TAFA1: variants seen among roughly 807,000 people sequenced by gnomAD.
TAFA1 encodes the protein TAFA chemokine like family member 1.
A neutral mutation model predicts 18.5 loss-of-function variants in TAFA1; 4 were observed. The ratio of observed to expected loss-of-function variants is 0.22; its 90% CI spans 0.11 to 0.49. TAFA1 has a LOEUF of 0.49. Among genes scored for constraint, TAFA1 ranks in the 20% least tolerant of loss-of-function variants. The probability of loss-of-function intolerance (pLI) is 0.98; values close to 1 mark genes in which losing one functional copy is unlikely to be tolerated. For synonymous variants in TAFA1, 56 were observed against 55.2 expected (o/e 1.01, Z -0.06); for missense variants, 147 against 169.0 (o/e 0.87, Z 0.72).
At chr3:68,026,341 C>T (rs963399801) in intron 2 of TAFA1, among the ~76,000 whole-genome samples, 3 of 151,694 alleles carry the variant, frequency 2.0e-5, no homozygotes, top group Non-Finnish European at 4.4e-5. Context: ...TGGAGAAATT[C>T]CATCCCCACC....
At chr3:68,073,689 A>G (rs1295108290) in intron 2 of TAFA1, among the ~76,000 whole-genome samples, 1 of 152,072 alleles carries the variant, frequency 6.6e-6, no homozygotes, top group African/African-American at 2.4e-5. Context: ...TCCAATGTAT[A>G]TTAGTTATAC....
chr3:68,327,234 A>T (rs750868701), intron 2 of TAFA1, among the ~76,000 whole-genome samples: 1 of 152,146 alleles, frequency 6.6e-6, no homozygotes, highest in Non-Finnish European at 1.5e-5. Context: ...ATAAATTGTC[A>T]GTCTCAGGTA....
chr3:68,416,885 A>T (rs1213168701), intron 2 of TAFA1, among the ~76,000 whole-genome samples: 1 of 152,170 alleles, frequency 6.6e-6, no homozygotes, highest in African/African-American at 2.4e-5. Context: ...TAGCTTCTGT[A>T]TCACTGGAGT....
At chr3:68,179,003 G>A (rs7634100) in intron 2 of TAFA1, among the ~76,000 whole-genome samples, 142,487 of 152,246 alleles carry the variant, frequency 0.94, 66,781 homozygotes, top group South Asian at 0.97. Flanking sequence ...CGGAGATATT[G>A]TATGTTTTTA....
At chr3:68,213,650 C>G (rs2066621008) in intron 2 of TAFA1, among the ~76,000 whole-genome samples, 1 of 152,028 alleles carries the variant, frequency 6.6e-6, no homozygotes. Flanking sequence ...CACACCCAGC[C>G]AGGAAGATGC....
chr3:68,330,546 TTTATGTGTG>T (rs1287283902), intron 2 of TAFA1, among the ~76,000 whole-genome samples: 3 of 152,234 alleles, frequency 2.0e-5, no homozygotes, highest in Non-Finnish European at 4.4e-5. Context: ...CTTGCTGTGC[TTTATGTGTG>T]TTATCACACT....
At chr3:68,488,751 ATTG>A (rs2072395474) in intron 3 of TAFA1, among the ~76,000 whole-genome samples, 1 of 152,198 alleles carries the variant, frequency 6.6e-6, no homozygotes, top group Admixed American at 6.5e-5. Context: ...AATATATGGC[ATTG>A]TTGTCTCATT....
At chr3:68,072,765 C>G (rs77760871) in intron 2 of TAFA1, among the ~76,000 whole-genome samples, 1,743 of 151,916 alleles carry the variant, frequency 0.011, 40 homozygotes, top group African/African-American at 0.04. Flanking sequence ...TGTGGGGTGT[C>G]CCCAGAGGGA....
chr3:68,179,473 C>T (rs969797743), intron 2 of TAFA1, among the ~76,000 whole-genome samples: 1 of 152,176 alleles, frequency 6.6e-6, no homozygotes, highest in African/African-American at 2.4e-5. Flanking sequence ...CTCCTTTTAA[C>T]ATTGGTCTGC....
chr3:67,992,972 T>A, the TAFA1 span, among the ~76,000 whole-genome samples: 1 of 152,146 alleles, frequency 6.6e-6, no homozygotes, highest in Non-Finnish European at 1.5e-5. Flanking sequence ...CAGGCTTGAG[T>A]CATGTGACCA....
intron 2 of TAFA1, among the ~76,000 whole-genome samples, chr3:68,103,076 AT>A (rs1251242747): frequency 6.6e-6 from 1 of 152,234 alleles, no homozygotes; most frequent in Non-Finnish European, 1.5e-5. Flanking sequence ...AGGACTATGC[AT>A]TACCCAAGTT....
intron 2 of TAFA1, among the ~76,000 whole-genome samples, chr3:68,405,021 A>G (rs1482780358): frequency 2.6e-5 from 4 of 152,052 alleles, no homozygotes; most frequent in African/African-American, 4.8e-5. Flanking sequence ...TTCCAATGGC[A>G]TTTTCTTCAT....
At chr3:68,307,987 A>T (rs1475953821) in intron 2 of TAFA1, among the ~76,000 whole-genome samples, 1 of 152,156 alleles carries the variant, frequency 6.6e-6, no homozygotes, top group East Asian at 1.9e-4. Flanking sequence ...AAAAATGCTC[A>T]TTTTTACTAT....
chr3:68,079,080 T>A (rs879028289), intron 2 of TAFA1, among the ~76,000 whole-genome samples: 7 of 152,238 alleles, frequency 4.6e-5, no homozygotes, highest in Admixed American at 4.6e-4. Flanking sequence ...TTCTTCTAGA[T>A]TTTCTAGTTT....
At chr3:68,321,225 A>G (rs1221378148) in intron 2 of TAFA1, among the ~76,000 whole-genome samples, 2 of 152,198 alleles carry the variant, frequency 1.3e-5, no homozygotes, top group Admixed American at 6.5e-5. Context: ...ATTGCCTGGC[A>G]CATGGGAAAC....
chr3:68,112,062 A>T (rs2065269009), intron 2 of TAFA1, among the ~76,000 whole-genome samples: 1 of 148,424 alleles, frequency 6.7e-6, no homozygotes, highest in Non-Finnish European at 1.5e-5. Flanking sequence ...TATCAGAGTC[A>T]CCAATGAAAA....
rs200650353 is a variant in TAFA1, at chr3:68,060,079, A to C, written c.118+53335A>C. Among the ~76,000 whole-genome samples the C allele has an allele frequency of 8.8e-5, 13 of 146,906 alleles. No homozygotes were observed. The East Asian group carries it at 2.3e-3, about 26-fold the overall frequency. On this transcript the variant is annotated intron_variant, in intron 2 of 4. Coordinates refer to ENST00000478136, the MANE Select transcript of TAFA1 (RefSeq NM_213609.4). The stretch of plus-strand genomic sequence containing the variant: ...CAAGGCTTACTGAAGGAAAAAAAAA[A>C]CACACACACACGCACAAAAAACTGG...
intron 2 of TAFA1, among the ~76,000 whole-genome samples, chr3:68,323,530 G>T (rs567747724): frequency 6.6e-6 from 1 of 152,162 alleles, no homozygotes; most frequent in African/African-American, 2.4e-5. Flanking sequence ...GGTTTTGAAC[G>T]GACTGTCCTC....
intron 3 of TAFA1, among the ~76,000 whole-genome samples, chr3:68,453,306 C>T (rs2071598630): frequency 6.6e-6 from 1 of 152,220 alleles, no homozygotes; most frequent in East Asian, 1.9e-4. Context: ...AAAATGTCTG[C>T]AATCAGAAAA....
Sources: gnomAD v4.1 joint callset for allele counts (sites outside exome capture counted in the v4.1 genomes callset) on GRCh38, gnomAD v4.1.1 for gene constraint, MANE v1.5 for transcripts, NCBI Gene and HGNC (gene_info 2026-07-23, HGNC 2026-07-21) for gene names.